NAALADL2: variants seen among roughly 807,000 people sequenced by gnomAD.
The protein encoded by NAALADL2 is inactive N-acetylated-alpha-linked acidic dipeptidase-like protein 2.
Under a neutral mutation model 87.2 loss-of-function variants are expected in NAALADL2, and 76 were observed. The ratio of observed to expected loss-of-function variants is 0.87; its 90% CI spans 0.72 to 1.05. The LOEUF (loss-of-function observed/expected upper bound fraction) is 1.05. NAALADL2 is among the 50% of genes least tolerant of loss of function. NAALADL2 has a pLI of 0.00. For synonymous variants in NAALADL2, 354 were observed against 331.0 expected, an observed-to-expected ratio of 1.07 and a Z score of -0.75; for missense variants, 1,089 against 945.8, an observed-to-expected ratio of 1.15 and a Z score of -1.99.
At chr3:174,851,214 C>T (rs191514736) in intron 3 of NAALADL2, among the ~76,000 whole-genome samples, 225 of 151,860 alleles carry the variant, frequency 1.5e-3, no homozygotes, top group African/African-American at 5.2e-3. Flanking sequence ...AATGCAAGGG[C>T]AACCAAACTC....
chr3:175,691,152 A>T (rs1293452525), intron 11 of NAALADL2, among the ~76,000 whole-genome samples: 1 of 151,566 alleles, frequency 6.6e-6, no homozygotes, highest in South Asian at 2.1e-4. Context: ...TTTCATAAGT[A>T]ACAAAAGTCT....
intron 5 of NAALADL2, among the ~76,000 whole-genome samples, chr3:175,392,543 A>C (rs1769206629): frequency 6.6e-6 from 1 of 152,212 alleles, no homozygotes; most frequent in Admixed American, 6.5e-5. Context: ...GTAATTCTTG[A>C]AAGCATGAAA....
chr3:175,246,321 T>C (rs1445355021), intron 3 of NAALADL2, among the ~76,000 whole-genome samples: 2 of 152,160 alleles, frequency 1.3e-5, no homozygotes, highest in Non-Finnish European at 1.5e-5. Flanking sequence ...GTATTGTAGT[T>C]TGTCATTATC....
chr3:175,144,835 T>A (rs1230580286), intron 2 of NAALADL2, among the ~76,000 whole-genome samples: 2 of 151,996 alleles, frequency 1.3e-5, no homozygotes, highest in African/African-American at 4.8e-5. Flanking sequence ...TAGACAACCA[T>A]TGTTTGAATC....
chr3:174,865,772 G>C (rs1224625660), intron 1 of NAALADL2, among the ~76,000 whole-genome samples: 1 of 151,852 alleles, frequency 6.6e-6, no homozygotes, highest in African/African-American at 2.4e-5. Flanking sequence ...TTGGCAGTTT[G>C]ATAAACTGGA....
intron 2 of NAALADL2, among the ~76,000 whole-genome samples, chr3:175,199,861 T>TAA (rs1739725426): frequency 3.9e-5 from 1 of 25,356 alleles, no homozygotes; most frequent in Non-Finnish European, 6.3e-5. Flanking sequence ...TATATATATA[T>TAA]ATATTTTTTT....
rs80152496 is a variant in NAALADL2 at position 175,738,729 on chromosome 3, A to G, written c.1990+1330A>G. Among the ~76,000 whole-genome samples, 804 of 152,118 alleles carry G rather than the reference A, an allele frequency of 5.3e-3. 8 individuals are homozygous for G. The highest frequency in any genetic ancestry group is 0.019 in the African/African-American group (774 of 41,502). On this transcript the variant is annotated intron_variant, in intron 12 of 13. Coordinates refer to ENST00000454872, the MANE Select transcript of NAALADL2 (RefSeq NM_207015.3). ...ATAGCCTCATATTGCTCTCCTTTTT[A>G]TATATTTAAGTTAGTCTCTATATAG...
rs1350819 is a variant in NAALADL2, at chr3:175,198,592, C to G, written c.546-35339C>G. Reference sequence around the variant, plus strand: ...CTTTTCACAATGCTGGAGCTTCTTACTTACCTTGCCTTGAAATGATAATGT... The same window carrying G: ...CTTTTCACAATGCTGGAGCTTCTTAGTTACCTTGCCTTGAAATGATAATGT... On this transcript the variant is annotated intron_variant, in intron 2 of 13. Coordinates refer to ENST00000454872, the MANE Select transcript of NAALADL2 (RefSeq NM_207015.3). Among the ~76,000 whole-genome samples, 1,078 of 152,158 alleles carry G rather than the reference C, an allele frequency of 7.1e-3. 15 individuals are homozygous for G. Among genetic ancestry groups the G allele is most frequent in the African/African-American group, 0.024 (1,007 of 41,522 alleles).
Position 175,097,195 on chromosome 3 carries a change from G to T in NAALADL2, c.449G>T (p.Cys150Phe). ...ILIGYYVHTN[C>F]PSDAPSSGTV... ...ATAGGTTATTATGTACATACAAATT[G>T]CCCTTCAGATGCTCCATCTTCAGGA... The change falls in exon 2 of 14, where the codon TGC becomes TTC. Residue 150 changes from cysteine to phenylalanine, a missense_variant. Transcript: ENST00000454872. 6.2e-7 allele frequency: 1 copy of T among 1,613,420 alleles called. No homozygotes were observed. The highest frequency in any genetic ancestry group is 8.5e-7 in the Non-Finnish European group (1 of 1,179,432).
At position 175,698,686 on chromosome 3, in the gene NAALADL2, G is replaced by T. The variant is rs553327694; in HGVS notation, c.1897-38620G>T. On this transcript the variant is annotated intron_variant, in intron 11 of 13. Coordinates refer to ENST00000454872, the MANE Select transcript of NAALADL2 (RefSeq NM_207015.3). ...ATAAGTAGAATTTAGAAGAATTCGT[G>T]TCATGTGCCACAAGTTACAGTTATT... Among the ~76,000 whole-genome samples the T allele has an allele frequency of 6.6e-5, 10 of 151,436 alleles. No homozygotes were observed. In the East Asian group the frequency reaches 1.9e-3, roughly 29 times the overall value.
At chr3:174,671,960 TGAC>T (rs1186557869) in intron 2 of NAALADL2, among the ~76,000 whole-genome samples, 276 of 151,214 alleles carry the variant, frequency 1.8e-3, no homozygotes, top group African/African-American at 6.1e-3. Flanking sequence ...ATGATGATGA[TGAC>T]AGTGGTGATG....
intron 11 of NAALADL2, among the ~76,000 whole-genome samples, chr3:175,698,504 A>ATATATATATATATATATATATATATATAT (rs1278192087): frequency 1.1e-5 from 1 of 87,020 alleles, no homozygotes; most frequent in African/African-American, 6.2e-5. Context: ...TATATATATA[A>ATATATATATATATATATATATATATATAT]AATCTCCAAG....
chr3:175,577,150 G>A (rs1316923764), intron 10 of NAALADL2, among the ~76,000 whole-genome samples: 1 of 152,058 alleles, frequency 6.6e-6, no homozygotes, highest in Non-Finnish European at 1.5e-5. Context: ...GTATAGCCTT[G>A]GGAATGAGAT....
At chr3:174,779,671 A>G (rs967229060) in intron 3 of NAALADL2, among the ~76,000 whole-genome samples, 3 of 152,168 alleles carry the variant, frequency 2.0e-5, no homozygotes, top group African/African-American at 7.2e-5. Context: ...AAAGGGATCC[A>G]GTTTCAGTTT....
intron 12 of NAALADL2, among the ~76,000 whole-genome samples, chr3:175,751,775 G>C (rs996685705): frequency 6.6e-6 from 1 of 151,872 alleles, no homozygotes; most frequent in Non-Finnish European, 1.5e-5. Flanking sequence ...TTTTAAACCC[G>C]TACTATGAAC....
chr3:174,499,119 A>T (rs151114900), intron 1 of NAALADL2, among the ~76,000 whole-genome samples: 142 of 152,208 alleles, frequency 9.3e-4, no homozygotes, highest in African/African-American at 3.2e-3. Flanking sequence ...AGGAAAATGT[A>T]TATGTAGGAT....
At chr3:174,769,442 A>G (rs1332938778) in intron 3 of NAALADL2, among the ~76,000 whole-genome samples, 3 of 152,036 alleles carry the variant, frequency 2.0e-5, no homozygotes, top group Admixed American at 6.6e-5. Context: ...TACTTTTTAT[A>G]AAATATGTAT....
At chr3:175,112,713 AC>A (rs1442016322) in intron 2 of NAALADL2, 1 of 151,746 alleles carries the variant, frequency 6.6e-6, no homozygotes, top group Non-Finnish European at 1.5e-5. Context: ...GCATTCTATT[AC>A]ATGTAAAATT....
intron 5 of NAALADL2, among the ~76,000 whole-genome samples, chr3:175,377,929 T>A (rs191900928): frequency 8.1e-4 from 123 of 152,244 alleles, no homozygotes; most frequent in African/African-American, 2.8e-3. Flanking sequence ...CCACTTTCAT[T>A]GGCAATAAAC....
Sources: gnomAD v4.1 joint callset for allele counts (sites outside exome capture counted in the v4.1 genomes callset) on GRCh38, gnomAD v4.1.1 for gene constraint, MANE v1.5 for transcripts, NCBI Gene and HGNC (gene_info 2026-07-23, HGNC 2026-07-21) for gene names.